The following TMPRSS11F variants were observed in gnomAD, a reference collection of about 807,000 sequenced individuals.
TMPRSS11F encodes transmembrane protease serine 11F.
A neutral mutation model predicts 60.2 loss-of-function variants in TMPRSS11F; 47 were observed. The observed-to-expected ratio is 0.78, with a 90% CI of 0.62 to 1.00. The LOEUF is 1.00. Ranked by LOEUF, TMPRSS11F falls within the 50% of genes least tolerant of loss-of-function variation. The pLI, the probability that TMPRSS11F is intolerant of heterozygous loss-of-function variation, is 0.00. For missense variants in TMPRSS11F, 519 were observed against 522.9 expected, an observed-to-expected ratio of 0.99 and a Z score of 0.07; for synonymous variants, 166 against 167.3, an observed-to-expected ratio of 0.99 and a Z score of 0.06.
chr4:68,094,191 C>A (rs1724016272), intron 2 of TMPRSS11F, among the ~76,000 whole-genome samples: 1 of 99,242 alleles, frequency 1.0e-5, no homozygotes, highest in Non-Finnish European at 2.3e-5. Flanking sequence ...AAATGTGGCA[C>A]ATATACACCA....
At position 68,059,483 on chromosome 4, in the gene TMPRSS11F, G is replaced by C. The variant is rs752142473; in HGVS notation, c.1016-15C>G. The stretch of plus-strand genomic sequence containing the variant: ...TTGTATAGGTCCTATTGCACAAATG[G>C]ATAAAAAAACAAATAAACAGTATTC... On this transcript the variant is annotated splice_polypyrimidine_tract_variant and intron_variant, in intron 8 of 9. Transcript: ENST00000356291. 6.2e-7 allele frequency: 1 copy of C among 1,600,956 alleles called. No individual in the cohort carries two copies. Among genetic ancestry groups the C allele is most frequent in the Non-Finnish European group, 8.5e-7 (1 of 1,173,390 alleles).
At chr4:68,126,800 G>A (rs1297063672) in intron 1 of TMPRSS11F, among the ~76,000 whole-genome samples, 1 of 152,234 alleles carries the variant, frequency 6.6e-6, no homozygotes, top group Non-Finnish European at 1.5e-5. Flanking sequence ...TATGTTTGAA[G>A]AGAGGACGGC....
intron 1 of TMPRSS11F, among the ~76,000 whole-genome samples, chr4:68,103,831 G>C (rs934313064): frequency 1.3e-5 from 2 of 151,766 alleles, no homozygotes; most frequent in Non-Finnish European, 2.9e-5. Flanking sequence ...TATTTCTTTC[G>C]TATTTTGTAG....
At chr4:68,090,034 C>T (rs1024174820) in intron 3 of TMPRSS11F, among the ~76,000 whole-genome samples, 1 of 151,948 alleles carries the variant, frequency 6.6e-6, no homozygotes. Context: ...TAAAAAATTA[C>T]AAATAACTTG....
chr4:68,112,033 T>C (rs1449420128), intron 1 of TMPRSS11F, among the ~76,000 whole-genome samples: 1 of 152,200 alleles, frequency 6.6e-6, no homozygotes, highest in Admixed American at 6.5e-5. Flanking sequence ...CAGCAATCCA[T>C]CAGACACTCT....
At chr4:68,118,627 T>C (rs113403964) in intron 1 of TMPRSS11F, among the ~76,000 whole-genome samples, 1,615 of 152,312 alleles carry the variant, frequency 0.011, 25 homozygotes, top group African/African-American at 0.036. Flanking sequence ...AAAATACTTA[T>C]TGAAAATTTT....
rs200331848 is a variant in TMPRSS11F, at chr4:68,095,682, G to A, written c.163+3205C>T. 5.9e-5 allele frequency among the ~76,000 whole-genome samples: 9 copies of A among 152,178 alleles called. No individual in the cohort carries two copies. The East Asian group carries it at 1.7e-3, about 29-fold the overall frequency. ...GGAGGCCAAGTCGGGCAGATCACGA[G>A]GTCAGGAGTTAGAGATCAGCCTCAC... On this transcript the variant is annotated intron_variant, in intron 2 of 9. Coordinates refer to ENST00000356291, the MANE Select transcript of TMPRSS11F (RefSeq NM_207407.2).
At chr4:68,072,254 T>A (rs1362136945) in intron 5 of TMPRSS11F, 69 bp downstream of exon 5, 7 of 305,366 alleles carry the variant, frequency 2.3e-5, no homozygotes, top group Admixed American at 4.4e-5. Context: ...TATATATTGC[T>A]TACAAAAATT....
chr4:68,053,504 G>A lies in TMPRSS11F; in HGVS notation c.*405C>T, dbSNP rs1722982628. Reference sequence around the variant, plus strand: ...GAATGTTGAAGCCCTGAGTCTTCAGGGAAGACTGTTCTTTTTCACTAGAAG... The same window carrying A: ...GAATGTTGAAGCCCTGAGTCTTCAGAGAAGACTGTTCTTTTTCACTAGAAG... On this transcript the variant is annotated 3_prime_UTR_variant, in exon 10 of 10. Coordinates refer to ENST00000356291, the MANE Select transcript of TMPRSS11F (RefSeq NM_207407.2). 1 of 156,458 alleles carries A rather than the reference G, an allele frequency of 6.4e-6. No homozygotes were observed. The highest frequency in any genetic ancestry group is 6.5e-5 in the Admixed American group (1 of 15,486). 9.7% of individuals were successfully genotyped at this position (156,458 alleles called of 1,614,324 possible). A position where few individuals can be genotyped will look rare whatever the true frequency, so the allele number is the denominator to read the frequency against.
chr4:68,078,555 C>T (rs748857118), intron 3 of TMPRSS11F, among the ~76,000 whole-genome samples: 21 of 152,064 alleles, frequency 1.4e-4, no homozygotes, highest in Non-Finnish European at 2.8e-4. Context: ...TTGTCTGGCC[C>T]ACAGTAAACA....
At position 68,059,406 on chromosome 4, in the gene TMPRSS11F, T is replaced by C; in HGVS notation, c.1078A>G (p.Arg360Gly). Residue 360 changes from arginine (R) to glycine (G), a missense_variant, in exon 9 of 10, where the codon AGA becomes GGA. Transcript: ENST00000356291. ...VETISTDVCN[R>G]KDVYDGLITP... ...ATCAGGCCATCATACACATCCTTTC[T>C]GTTACACACATCAGTGCTTATGGTT... The C allele has an allele frequency of 6.2e-7, 1 of 1,614,022 alleles. No homozygotes were observed. The highest frequency in any genetic ancestry group is 1.3e-5 in the African/African-American group (1 of 75,048).
In TMPRSS11F at chr4:68,063,275, C is replaced by T. The variant is rs567830672; in HGVS notation, c.1015+1410G>A. The stretch of plus-strand genomic sequence containing the variant: ...CTCCACCTTCAATCGCCATGATGAG[C>T]TCACCATGGACCGCACCAACTGATG... On this transcript the variant is annotated intron_variant, in intron 8 of 9. Coordinates refer to ENST00000356291, the MANE Select transcript of TMPRSS11F (RefSeq NM_207407.2). 1.4e-4 allele frequency: 77 copies of T among 565,680 alleles called. No individual in the cohort carries two copies. The Admixed American group carries it at 1.4e-3, about 10-fold the overall frequency. 35.0% of individuals were successfully genotyped at this position (565,680 alleles called of 1,614,324 possible).
At position 68,119,796 on chromosome 4, in the gene TMPRSS11F, C is replaced by T. The variant is rs113243037; in HGVS notation, c.11+10014G>A. ...AGCCTGCTAATGGGAGTCTATTCTG[C>T]AGTCCACGGATCAAGGAGAAATTAT... On this transcript the variant is annotated intron_variant, in intron 1 of 9. Coordinates refer to ENST00000356291, the MANE Select transcript of TMPRSS11F (RefSeq NM_207407.2). Among the ~76,000 whole-genome samples, 219 of 152,282 alleles carry T rather than the reference C, an allele frequency of 1.4e-3. 4 individuals carry two copies. Among genetic ancestry groups the T allele is most frequent in the African/African-American group, 5.2e-3 (214 of 41,546 alleles).
rs1724540590 is a variant in TMPRSS11F, at chr4:68,117,227, G to A, written c.11+12583C>T. On this transcript the variant is annotated intron_variant, in intron 1 of 9. Coordinates refer to ENST00000356291, the MANE Select transcript of TMPRSS11F (RefSeq NM_207407.2). Reference sequence around the variant, plus strand: ...TCACGCTTGTAATCTCAGCACTTTGGGAGGCCGAGGGGGGCGGATCACGAG... The same window carrying A: ...TCACGCTTGTAATCTCAGCACTTTGAGAGGCCGAGGGGGGCGGATCACGAG... Among the ~76,000 whole-genome samples, 3 of 152,030 alleles carry A rather than the reference G, an allele frequency of 2.0e-5. No individual in the cohort carries two copies. The South Asian group carries it at 6.2e-4, about 32-fold the overall frequency.
At chr4:68,118,454 AT>A (rs1268743225) in intron 1 of TMPRSS11F, among the ~76,000 whole-genome samples, 10 of 152,306 alleles carry the variant, frequency 6.6e-5, no homozygotes, top group African/African-American at 2.4e-4. Flanking sequence ...AAAAAATACT[AT>A]AACTCACCAA....
chr4:68,099,807 A>G (rs1467188647), intron 1 of TMPRSS11F, among the ~76,000 whole-genome samples: 1 of 152,128 alleles, frequency 6.6e-6, no homozygotes, highest in African/African-American at 2.4e-5. Context: ...TGTTTCAGAA[A>G]CTGTTCTAGA....
intron 2 of TMPRSS11F, among the ~76,000 whole-genome samples, chr4:68,092,415 T>C (rs947615944): frequency 1.3e-5 from 2 of 152,198 alleles, no homozygotes; most frequent in African/African-American, 4.8e-5. Context: ...CAAAATTGAT[T>C]CTAAGCATTA....
intron 1 of TMPRSS11F, among the ~76,000 whole-genome samples, chr4:68,120,489 C>T (rs1353314284): frequency 2.0e-5 from 3 of 149,320 alleles, no homozygotes; most frequent in East Asian, 2.0e-4. Context: ...CCCGGGTTCA[C>T]GCCATTCTCC....
intron 1 of TMPRSS11F, among the ~76,000 whole-genome samples, chr4:68,127,040 A>G (rs1724725460): frequency 6.6e-6 from 1 of 152,206 alleles, no homozygotes; most frequent in African/African-American, 2.4e-5. Context: ...CAATGGTTCT[A>G]AATTGCATTA....
Sources: allele counts gnomAD v4.1 joint callset (sites outside exome capture counted in the v4.1 genomes callset), GRCh38; gene constraint gnomAD v4.1.1; transcripts MANE v1.5; gene names NCBI Gene and HGNC (gene_info 2026-07-23, HGNC 2026-07-21).